Variants in TMEM132B observed in about 807,000 individuals in gnomAD.
The protein encoded by TMEM132B is transmembrane protein 132B.
TMEM132B carries 18 observed loss-of-function variants against 90.8 expected under a neutral mutation model. The ratio of observed to expected loss-of-function variants is 0.20; its 90% CI spans 0.14 to 0.29. The LOEUF is 0.29. TMEM132B is among the 10% of genes least tolerant of loss of function. The pLI is 1.00. For synonymous variants in TMEM132B, 504 were observed against 523.3 expected, an observed-to-expected ratio of 0.96 and a Z score of 0.50; for missense variants, 1,096 against 1,326.8, an observed-to-expected ratio of 0.83 and a Z score of 2.70.
intron 1 of TMEM132B, among the ~76,000 whole-genome samples, chr12:125,228,669 C>T (rs1276035140): frequency 6.6e-6 from 1 of 152,080 alleles, no homozygotes; most frequent in African/African-American, 2.4e-5. Context: ...AGGGTTGGAT[C>T]GAATGCTCTC....
intron 4 of TMEM132B, among the ~76,000 whole-genome samples, chr12:125,569,764 C>G (rs1353921191): frequency 2.6e-5 from 4 of 152,262 alleles, no homozygotes; most frequent in East Asian, 3.9e-4. Context: ...ACCAACCCCC[C>G]CATCTCTCTG....
At chr12:125,491,003 A>G (rs1882336788) in intron 3 of TMEM132B, among the ~76,000 whole-genome samples, 1 of 152,146 alleles carries the variant, frequency 6.6e-6, no homozygotes, top group African/African-American at 2.4e-5. Context: ...CAATAGCCAT[A>G]TGGGTGTGCC....
At position 125,243,106 on chromosome 12, in the gene TMEM132B, TACACATATATATATATACACACACAC is replaced by T. The variant is rs1316405234; in HGVS notation, c.67+56258_67+56283del. On this transcript the variant is annotated intron_variant, in intron 1 of 8. Transcript: ENST00000682704. ...ATACACATACATATACATATATATA[TACACATATATATATATACACACACAC>T]ACACATATATATATATATAATTTTT... is the stretch of plus-strand genomic sequence containing the variant. 3.5e-5 allele frequency among the ~76,000 whole-genome samples: 3 copies of T among 85,736 alleles called. No individual in the cohort carries two copies. In the East Asian group the frequency reaches 9.0e-4, roughly 26 times the overall value. 56.2% of individuals were successfully genotyped at this position (85,736 alleles called of 152,430 possible).
At chr12:125,237,174 C>G (rs1370026864) in intron 1 of TMEM132B, among the ~76,000 whole-genome samples, 2 of 152,156 alleles carry the variant, frequency 1.3e-5, no homozygotes, top group African/African-American at 4.8e-5. Context: ...AGAGAGAGCC[C>G]AGGTAGAGAG....
intron 1 of TMEM132B, among the ~76,000 whole-genome samples, chr12:125,231,890 C>CA (rs1341666005): frequency 6.6e-6 from 1 of 151,794 alleles, no homozygotes; most frequent in African/African-American, 2.4e-5. Context: ...TGTGTCCCCC[C>CA]CCCACCAAAA....
chr12:125,300,735 G>A (rs1355922543), intron 1 of TMEM132B, among the ~76,000 whole-genome samples: 3 of 152,172 alleles, frequency 2.0e-5, no homozygotes, highest in Non-Finnish European at 2.9e-5. Flanking sequence ...TAGAGAGGTG[G>A]AGTAACTTGC....
rs1039380172 is a variant in TMEM132B, at chr12:125,406,997, G to A, written c.960-8534G>A. On this transcript the variant is annotated intron_variant, in intron 2 of 8. Coordinates refer to ENST00000682704, the MANE Select transcript of TMEM132B (RefSeq NM_001366854.1). The surrounding 1 kb of genome is among the most constrained non-coding windows in gnomAD (Gnocchi z 8.3). Reference sequence around the variant, plus strand: ...GACAGCATTTGCTTCTCCCAGAGCTGATGTGCAACCATAGGCACAGAGTGC... The same window carrying A: ...GACAGCATTTGCTTCTCCCAGAGCTAATGTGCAACCATAGGCACAGAGTGC... Among the ~76,000 whole-genome samples the A allele has an allele frequency of 6.6e-6, 1 of 152,178 alleles. No individual in the cohort carries two copies. The highest frequency in any genetic ancestry group is 6.5e-5 in the Admixed American group (1 of 15,272).
At chr12:125,365,983 G>T (rs1038821102) in intron 2 of TMEM132B, among the ~76,000 whole-genome samples, 1 of 151,302 alleles carries the variant, frequency 6.6e-6, no homozygotes, top group Non-Finnish European at 1.5e-5. Flanking sequence ...CTGTATTTTT[G>T]TATCCGTTAA....
chr12:125,424,251 C>T (rs430199), intron 3 of TMEM132B, among the ~76,000 whole-genome samples: 111,656 of 152,060 alleles, frequency 0.73, 42,955 homozygotes, highest in East Asian at 0.97. Flanking sequence ...GGAGGGAAAG[C>T]TAGACATGAA....
At chr12:125,404,237 A>G (rs1879400754) in intron 2 of TMEM132B, among the ~76,000 whole-genome samples, 1 of 152,154 alleles carries the variant, frequency 6.6e-6, no homozygotes, top group African/African-American at 2.4e-5. Flanking sequence ...TGTCAGGTGT[A>G]CAGCAATGTC....
intron 1 of TMEM132B, among the ~76,000 whole-genome samples, chr12:125,346,086 T>C (rs571303147): frequency 1.3e-5 from 2 of 152,332 alleles, no homozygotes; most frequent in South Asian, 2.1e-4. Context: ...ATATACACTT[T>C]CAGACAAAAT....
At chr12:125,471,044 G>A (rs990059458) in intron 3 of TMEM132B, among the ~76,000 whole-genome samples, 1 of 152,240 alleles carries the variant, frequency 6.6e-6, no homozygotes. Flanking sequence ...GCTGGCCGGC[G>A]CCCATGTGGG....
intron 1 of TMEM132B, among the ~76,000 whole-genome samples, chr12:125,323,287 T>G (rs1201515938): frequency 2.0e-5 from 3 of 152,040 alleles, no homozygotes; most frequent in African/African-American, 7.2e-5. Context: ...AATACAAATA[T>G]TAGCCGGGCG....
intron 5 of TMEM132B, among the ~76,000 whole-genome samples, chr12:125,602,674 G>T (rs1011767549): frequency 9.2e-5 from 14 of 152,192 alleles, no homozygotes; most frequent in Non-Finnish European, 2.1e-4. Flanking sequence ...AAGTCAAATT[G>T]TCTCTGTTTG....
chr12:125,358,872 C>A (rs1877870131), intron 2 of TMEM132B, among the ~76,000 whole-genome samples: 1 of 152,166 alleles, frequency 6.6e-6, no homozygotes, highest in African/African-American at 2.4e-5. Context: ...CTTTTGGCAT[C>A]CATTGACGAT....
At chr12:125,470,104 A>T (rs1353823798) in intron 3 of TMEM132B, among the ~76,000 whole-genome samples, 1 of 152,166 alleles carries the variant, frequency 6.6e-6, no homozygotes, top group Non-Finnish European at 1.5e-5. Flanking sequence ...TTCTATGCTG[A>T]GGATTGTACA....
intron 4 of TMEM132B, among the ~76,000 whole-genome samples, chr12:125,564,635 C>CT (rs1164586624): frequency 6.6e-6 from 1 of 152,164 alleles, no homozygotes; most frequent in Non-Finnish European, 1.5e-5. Flanking sequence ...CTATTTCGAT[C>CT]TTTTCTTTTC....
chr12:125,188,337 C>T (rs910087694), intron 1 of TMEM132B, among the ~76,000 whole-genome samples: 3 of 152,284 alleles, frequency 2.0e-5, no homozygotes, highest in Admixed American at 6.5e-5. Flanking sequence ...GGGGCCGAGG[C>T]TGTTTTCTCT....
chr12:125,508,940 C>T (rs558780631), intron 3 of TMEM132B, among the ~76,000 whole-genome samples: 31 of 151,926 alleles, frequency 2.0e-4, no homozygotes, highest in Non-Finnish European at 3.8e-4. Flanking sequence ...TGCACCACCA[C>T]GCCTGGCTAA....
Sources: allele counts gnomAD v4.1 joint callset (sites outside exome capture counted in the v4.1 genomes callset), GRCh38; gene constraint gnomAD v4.1.1; non-coding constraint Gnocchi (gnomAD v3.1); transcripts MANE v1.5; gene names NCBI Gene and HGNC (gene_info 2026-07-23, HGNC 2026-07-21).